The following MYO1D variants were observed in gnomAD, a reference collection of about 807,000 sequenced individuals.
MYO1D encodes myosin ID.
In MYO1D, 83 loss-of-function variants were observed where a neutral mutation model predicts 122.0. The ratio of observed to expected loss-of-function variants is 0.68; its 90% CI spans 0.57 to 0.82. The LOEUF is 0.82. MYO1D is among the 40% of genes least tolerant of loss of function. MYO1D has a pLI of 0.00. For synonymous variants in MYO1D, 464 were observed against 446.9 expected (o/e 1.04, Z -0.48); for missense variants, 1,157 against 1,269.5 (o/e 0.91, Z 1.35).
intron 21 of MYO1D, among the ~76,000 whole-genome samples, chr17:32,525,767 G>C (rs1162435562): frequency 6.6e-6 from 1 of 152,140 alleles, no homozygotes; most frequent in Non-Finnish European, 1.5e-5. Context: ...GAAGAAAGTA[G>C]AGAGAACTGG....
intron 20 of MYO1D, among the ~76,000 whole-genome samples, chr17:32,628,977 A>C (rs914988803): frequency 6.6e-6 from 1 of 152,248 alleles, no homozygotes; most frequent in African/African-American, 2.4e-5. Context: ...AAGTGGAAGC[A>C]ATCAATAGGT....
At chr17:32,825,077 AT>A (rs1286347766) in intron 1 of MYO1D, among the ~76,000 whole-genome samples, 1 of 152,240 alleles carries the variant, frequency 6.6e-6, no homozygotes, top group Non-Finnish European at 1.5e-5. Context: ...TGATGAAAAT[AT>A]TAAAGAATAG....
chr17:32,817,946 G>A (rs2090626277), intron 1 of MYO1D, among the ~76,000 whole-genome samples: 1 of 150,560 alleles, frequency 6.6e-6, no homozygotes, highest in African/African-American at 2.4e-5. Flanking sequence ...CTAAAACGGT[G>A]AAACCCCGTC....
rs9900287 is a variant in MYO1D, at chr17:32,623,772, C to T, written c.2709+14950G>A. On this transcript the variant is annotated intron_variant, in intron 20 of 21. Coordinates refer to ENST00000318217, the MANE Select transcript of MYO1D (RefSeq NM_015194.3). ...CTCACGGTTCTGGAAGCTAGAAGTC[C>T]GAGATGAGGGTGCTGGTGGCCCTCG... Among the ~76,000 whole-genome samples, 861 of 152,166 alleles carry T rather than the reference C, an allele frequency of 5.7e-3. 10 individuals are homozygous for T. The highest frequency in any genetic ancestry group is 0.019 in the African/African-American group (789 of 41,506).
intron 1 of MYO1D, among the ~76,000 whole-genome samples, chr17:32,791,363 CAAAAAAAAAAAA>C (rs60741553): frequency 2.0e-5 from 1 of 49,488 alleles, no homozygotes; most frequent in African/African-American, 6.5e-5. Flanking sequence ...GACTCCGTCT[CAAAAAAAAAAAA>C]AAAAAAAAAA....
chr17:32,662,425 C>T (rs1312560435), intron 16 of MYO1D, among the ~76,000 whole-genome samples: 1 of 152,184 alleles, frequency 6.6e-6, no homozygotes, highest in African/African-American at 2.4e-5. Flanking sequence ...GTAATCTCGG[C>T]ACTTTGGGAG....
intron 21 of MYO1D, among the ~76,000 whole-genome samples, chr17:32,502,858 G>A (rs1909362090): frequency 6.6e-6 from 1 of 152,208 alleles, no homozygotes; most frequent in African/African-American, 2.4e-5. Context: ...GAGGCAGGGC[G>A]TCTCCCTCTG....
At chr17:32,499,404 G>A (rs1909237614) in intron 21 of MYO1D, 1 of 152,088 alleles carries the variant, frequency 6.6e-6, no homozygotes, top group African/African-American at 2.4e-5. Context: ...GGGAGGCAGA[G>A]GCAGGTGGAT....
intron 19 of MYO1D, among the ~76,000 whole-genome samples, chr17:32,653,300 T>G (rs996087888): frequency 6.6e-6 from 1 of 151,814 alleles, no homozygotes; most frequent in African/African-American, 2.4e-5. Context: ...TTTTTGTTTT[T>G]TTTTTCTAGT....
chr17:32,742,575 T>C (rs1271290175), intron 13 of MYO1D, among the ~76,000 whole-genome samples: 4 of 152,330 alleles, frequency 2.6e-5, no homozygotes, highest in African/African-American at 4.8e-5. Flanking sequence ...AGGCTGTTTT[T>C]TCTAAGTTGA....
chr17:32,780,729 G>T lies in MYO1D; in HGVS notation c.151C>A (p.Pro51Thr), dbSNP rs1367871810. ...FIGEVVVSVN[P>T]YKLLNIYGRD... is the part of the protein sequence containing the mutation. ...CCATAGATGTTCAACAACTTGTAAG[G>T]GTTCACAGAAACGACGACTTCTCCA... The change falls in exon 2 of 22, where the codon CCT (proline) becomes ACT (threonine). Residue 51 changes from proline to threonine, a missense_variant. Coordinates refer to ENST00000318217, the MANE Select transcript of MYO1D (RefSeq NM_015194.3). The T allele has an allele frequency of 1.2e-6, 2 of 1,614,146 alleles. No homozygotes were observed. Among genetic ancestry groups the T allele is most frequent in the Admixed American group, 3.3e-5 (2 of 60,028 alleles).
At chr17:32,499,855 T>C (rs1909256451) in intron 21 of MYO1D, among the ~76,000 whole-genome samples, 1 of 151,296 alleles carries the variant, frequency 6.6e-6, no homozygotes, top group South Asian at 2.1e-4. Flanking sequence ...CCTAGCTACT[T>C]GGGAGACTGA....
At chr17:32,690,717 C>T (rs1468747894) in intron 16 of MYO1D, among the ~76,000 whole-genome samples, 1 of 152,136 alleles carries the variant, frequency 6.6e-6, no homozygotes, top group Admixed American at 6.5e-5. Context: ...GATGCCTGCT[C>T]CCCCTCTGCC....
chr17:32,563,253 A>G (rs538420967), intron 21 of MYO1D, among the ~76,000 whole-genome samples: 155 of 117,860 alleles, frequency 1.3e-3, no homozygotes, highest in African/African-American at 4.8e-3. Context: ...TCTGTTGCCC[A>G]GGCTGGAGCG....
At chr17:32,870,037 A>T (rs1201541415) in intron 1 of MYO1D, among the ~76,000 whole-genome samples, 2 of 152,192 alleles carry the variant, frequency 1.3e-5, no homozygotes, top group African/African-American at 2.4e-5. Flanking sequence ...CTATTTGGGA[A>T]CTAAATTCAG....
intron 7 of MYO1D, among the ~76,000 whole-genome samples, chr17:32,765,709 C>T (rs911561583): frequency 2.6e-5 from 4 of 152,160 alleles, no homozygotes; most frequent in Non-Finnish European, 4.4e-5. Flanking sequence ...CCACCCACCT[C>T]GGCCTCCCAA....
At chr17:32,594,430 T>G (rs2087470586) in intron 21 of MYO1D, 1 of 448,118 alleles carries the variant, frequency 2.2e-6, no homozygotes, top group Admixed American at 4.0e-5. Context: ...CTTTCCTTAC[T>G]TCATTCAAAT....
chr17:32,624,072 GAGCAAGTCCAACTTTTAAC>G (rs1281572535), intron 20 of MYO1D, among the ~76,000 whole-genome samples: 2 of 152,126 alleles, frequency 1.3e-5, no homozygotes, highest in Non-Finnish European at 2.9e-5. Flanking sequence ...CTGAATTTGG[GAGCAAGTCCAACTTTTAAC>G]AGATGTTTCC....
intron 21 of MYO1D, among the ~76,000 whole-genome samples, chr17:32,591,092 G>C (rs2087434675): frequency 6.6e-6 from 1 of 152,222 alleles, no homozygotes; most frequent in Admixed American, 6.5e-5. Flanking sequence ...GAGGATGACT[G>C]TGCCCCTGCA....
Sources: gnomAD v4.1 joint callset for allele counts (sites outside exome capture counted in the v4.1 genomes callset) on GRCh38, gnomAD v4.1.1 for gene constraint, MANE v1.5 for transcripts, NCBI Gene and HGNC (gene_info 2026-07-23, HGNC 2026-07-21) for gene names.